DDX54: variants seen among roughly 807,000 people sequenced by gnomAD.
The protein encoded by DDX54 is ATP-dependent RNA helicase DDX54.
A neutral mutation model predicts 105.5 loss-of-function variants in DDX54; 67 were observed. That is an observed-to-expected ratio of 0.64 (90% CI 0.52 to 0.78). The LOEUF is 0.78. Ranked by LOEUF, DDX54 falls within the 30% of genes least tolerant of loss-of-function variation. DDX54 has a pLI of 0.00. For synonymous variants in DDX54, 514 were observed against 509.9 expected, an observed-to-expected ratio of 1.01 and a Z score of -0.11; for missense variants, 1,206 against 1,230.5, an observed-to-expected ratio of 0.98 and a Z score of 0.30.
intron 11 of DDX54, among the ~76,000 whole-genome samples, chr12:113,171,226 A>G (rs192530553): frequency 6.6e-6 from 1 of 152,340 alleles, no homozygotes; most frequent in Admixed American, 6.5e-5. Flanking sequence ...AGGCAAAGAA[A>G]GTAGAATAAC....
chr12:113,168,539 C>A lies in DDX54; in HGVS notation c.1414+1231G>T, dbSNP rs376309268. Reference sequence around the variant, plus strand: ...GTCCAGGGCCCGGGAACCAGCAGGACTGCAGGTGGAGGCCCATAGTTGGAG... The same window carrying A: ...GTCCAGGGCCCGGGAACCAGCAGGAATGCAGGTGGAGGCCCATAGTTGGAG... On this transcript the variant is annotated intron_variant, in intron 12 of 19. Coordinates refer to ENST00000306014, the MANE Select transcript of DDX54 (RefSeq NM_024072.4). Among the ~76,000 whole-genome samples the A allele has an allele frequency of 3.2e-4, 48 of 152,368 alleles. No individual in the cohort carries two copies. The South Asian group carries it at 9.7e-3, about 31-fold the overall frequency.
Position 113,185,223 on chromosome 12 carries a change from G to A in DDX54, c.174+55C>T, listed in dbSNP as rs553642879. 174 of 1,431,796 alleles carry A rather than the reference G, an allele frequency of 1.2e-4. No homozygotes were observed. In the African/African-American group the frequency reaches 2.3e-3, roughly 19 times the overall value. 88.7% of individuals were successfully genotyped at this position (1,431,796 alleles called of 1,614,324 possible). On this transcript the variant is annotated intron_variant, in intron 1 of 19. Coordinates refer to ENST00000306014, the MANE Select transcript of DDX54 (RefSeq NM_024072.4). ...GCTGGGGAAACTGAGGCCTCGAGGC[G>A]CTGCCCGGAGCCGGGTCTCGGGCCC...
At position 113,163,221 on chromosome 12, in the gene DDX54, C is replaced by T. The variant is rs1470180159; in HGVS notation, c.1992G>A (p.Arg664=). 3 of 1,611,702 alleles carry T rather than the reference C, an allele frequency of 1.9e-6. No individual in the cohort carries two copies. Among genetic ancestry groups the T allele is most frequent in the Non-Finnish European group, 1.7e-6 (2 of 1,179,988 alleles). The part of the protein sequence containing the change: ...GRKRQRSGPN[R]GAKRRREEAR... ...CCTCCTCCCTCCGCCTCTTGGCTCC[C>T]CTGTTGGGTCCTGACCGCTGCCGCT... is the stretch of plus-strand genomic sequence containing the variant. Residue 664 remains arginine, a synonymous_variant, in exon 16 of 20, where the codon AGG becomes AGA. Coordinates refer to ENST00000306014, the MANE Select transcript of DDX54 (RefSeq NM_024072.4). This position sits in a 1 kb window ranked among gnomAD's most constrained non-coding sequence, Gnocchi z 5.9.
chr12:113,171,612 A>AT (rs1952340623), intron 11 of DDX54, among the ~76,000 whole-genome samples: 1 of 152,106 alleles, frequency 6.6e-6, no homozygotes, highest in Admixed American at 6.6e-5. Context: ...AAAAAAAAAA[A>AT]AAAGTTTTGG....
Position 113,160,605 on chromosome 12 carries a change from C to G in DDX54, c.2413+665G>C, listed in dbSNP as rs911106979. Among the ~76,000 whole-genome samples the G allele has an allele frequency of 2.0e-5, 3 of 152,138 alleles. No individual in the cohort carries two copies. The South Asian group carries it at 6.2e-4, about 32-fold the overall frequency. On this transcript the variant is annotated intron_variant, in intron 19 of 19. Transcript: ENST00000306014. ...CCTTAGCTTGTTACTGGCTGAGGGACCCAGGCCAGATCAAAGAGGTCCAAG... is the reference window on the plus strand; with the variant it reads ...CCTTAGCTTGTTACTGGCTGAGGGAGCCAGGCCAGATCAAAGAGGTCCAAG...
rs568469323 is a variant in DDX54 at position 113,163,605 on chromosome 12, G to A, written c.1939-331C>T. ...GACAGCCGGCCCTGCCCCTCTCTGC[G>A]CCTGGCCTGCTCTGAACAACATGGA... On this transcript the variant is annotated intron_variant, in intron 15 of 19. Coordinates refer to ENST00000306014, the MANE Select transcript of DDX54 (RefSeq NM_024072.4). This position sits in a 1 kb window ranked among gnomAD's most constrained non-coding sequence, Gnocchi z 5.9. Among the ~76,000 whole-genome samples the A allele has an allele frequency of 2.6e-5, 4 of 152,228 alleles. No homozygotes were observed. Among genetic ancestry groups the A allele is most frequent in the Non-Finnish European group, 4.4e-5 (3 of 68,008 alleles).
chr12:113,171,472 C>T (rs1404053292), intron 11 of DDX54, among the ~76,000 whole-genome samples: 4 of 151,778 alleles, frequency 2.6e-5, no homozygotes, highest in African/African-American at 2.4e-5. Context: ...GGCCTGGTGG[C>T]GAGCACCTGT....
intron 19 of DDX54, 168 bp from the exon 20 acceptor site, chr12:113,159,277 T>TGG: frequency 1.4e-6 from 1 of 725,094 alleles, no homozygotes; most frequent in Non-Finnish European, 2.2e-6. Context: ...GGCAGCCTCA[T>TGG]GGAGTGGTCA....
At chr12:113,182,249 A>G (rs1952476364) in intron 1 of DDX54, among the ~76,000 whole-genome samples, 1 of 152,240 alleles carries the variant, frequency 6.6e-6, no homozygotes, top group Non-Finnish European at 1.5e-5. Context: ...CCCTGGCTTC[A>G]GAGACTGTGT....
intron 5 of DDX54, among the ~76,000 whole-genome samples, chr12:113,178,245 CAAACAAA>C (rs1300752133): frequency 6.6e-6 from 1 of 152,066 alleles, no homozygotes; most frequent in African/African-American, 2.4e-5. Context: ...TCAAAATAAA[CAAACAAA>C]AAACAAAAAC....
rs1381795883 is a variant in DDX54, at chr12:113,162,934, C to T, written c.2193G>A (p.Lys731=). The change falls in exon 17 of 20, where the codon AAG becomes AAA. Residue 731 remains lysine (K), a splice_region_variant and synonymous_variant. Coordinates refer to ENST00000306014, the MANE Select transcript of DDX54 (RefSeq NM_024072.4). ...QNLTRGRQQL[K]WDRKKKRFVG... is the part of the protein sequence containing the mutation. ...GGGCGGCTCACTCGATCACTCACCA[C>T]TTGAGCTGCTGCCGGCCCCTCGTCA... The T allele has an allele frequency of 3.8e-6, 6 of 1,594,342 alleles. No individual in the cohort carries two copies. Among genetic ancestry groups the T allele is most frequent in the Admixed American group, 1.7e-5 (1 of 58,704 alleles).
intron 3 of DDX54, 106 bp downstream of exon 3, chr12:113,179,829 G>T: frequency 7.6e-7 from 1 of 1,318,474 alleles, no homozygotes; most frequent in Non-Finnish European, 1.1e-6. Context: ...GAGTAAAGGG[G>T]GCAGGAGATG....
At chr12:113,169,961 G>C (rs568327263) in intron 11 of DDX54, 57 bp from the exon 12 acceptor site, 1 of 1,599,650 alleles carries the variant, frequency 6.3e-7, no homozygotes, top group South Asian at 1.1e-5. Context: ...GACCCAGCAT[G>C]AGTTCCACAG....
In DDX54 at chr12:113,179,124, T is replaced by C. The variant is rs771686737; in HGVS notation, c.564+19A>G. 6.2e-7 allele frequency: 1 copy of C among 1,613,564 alleles called. No individual in the cohort carries two copies. The highest frequency in any genetic ancestry group is 8.5e-7 in the Non-Finnish European group (1 of 1,179,696). On this transcript the variant is annotated intron_variant, in intron 4 of 19. Coordinates refer to ENST00000306014, the MANE Select transcript of DDX54 (RefSeq NM_024072.4). ...CAAGTCAGCCCTTGCCTCCAGCCTC[T>C]AGCCAAGCTCAGACACACCTCCTTA...
Position 113,185,442 on chromosome 12 carries a change from C to CGGCCGCCATTCG in DDX54, c.-3_9dup (p.Ala3_Asp4insArgMetAlaAla). 1.3e-6 allele frequency: 2 copies of CGGCCGCCATTCG among 1,507,324 alleles called. No homozygotes were observed. The highest frequency in any genetic ancestry group is 1.8e-6 in the Non-Finnish European group (2 of 1,131,490). 93.4% of individuals were successfully genotyped at this position (1,507,324 alleles called of 1,614,324 possible). A position where few individuals can be genotyped will look rare whatever the true frequency, so the allele number is the denominator to read the frequency against. Reference sequence around the variant, plus strand: ...CGAGGTCCAGCCGCCGGGCCCTTGTCGGCCGCCATTCGGGCCGCGCGCTGG... The same window carrying CGGCCGCCATTCG: ...CGAGGTCCAGCCGCCGGGCCCTTGTCGGCCGCCATTCGGGCCGCCATTCGGGCCGCGCGCTGG... On this transcript the variant is annotated inframe_insertion, in exon 1 of 20. Coordinates refer to ENST00000306014, the MANE Select transcript of DDX54 (RefSeq NM_024072.4).
rs759559835 is a variant in DDX54 at position 113,179,213 on chromosome 12, G to A, written c.494C>T (p.Thr165Ile). ...FERLKTHSAQ[T>I]GARALILSPT... is the part of the protein sequence containing the mutation. The stretch of plus-strand genomic sequence containing the variant: ...CGAGAGGATGAGGGCGCGGGCCCCG[G>A]TCTGGGCACTGTGGGTCTTGAGCCG... Residue 165 changes from threonine to isoleucine, a missense_variant, in exon 4 of 20, where the codon ACC (threonine) becomes ATC (isoleucine). Thr to Ile is a moderately conservative substitution (Grantham distance 89, BLOSUM62 -1). Coordinates refer to ENST00000306014, the MANE Select transcript of DDX54 (RefSeq NM_024072.4). 8 of 1,614,180 alleles carry A rather than the reference G, an allele frequency of 5.0e-6. No homozygotes were observed. Among genetic ancestry groups the A allele is most frequent in the Non-Finnish European group, 6.8e-6 (8 of 1,180,024 alleles).
chr12:113,169,108 G>C (rs997108033), intron 12 of DDX54, among the ~76,000 whole-genome samples: 2 of 152,030 alleles, frequency 1.3e-5, no homozygotes, highest in Non-Finnish European at 2.9e-5. Context: ...AGGGGACCAG[G>C]AAGCCTGTCT....
At chr12:113,162,543 T>C (rs908781292) in intron 17 of DDX54, among the ~76,000 whole-genome samples, 1 of 152,112 alleles carries the variant, frequency 6.6e-6, no homozygotes, top group African/African-American at 2.4e-5. Context: ...GAGTGAGGAC[T>C]TCAGGGAGCT....
Position 113,163,317 on chromosome 12 carries a change from C to T in DDX54, c.1939-43G>A, listed in dbSNP as rs777241031. 1.3e-6 allele frequency: 2 copies of T among 1,575,558 alleles called. No homozygotes were observed. The highest frequency in any genetic ancestry group is 1.7e-6 in the Non-Finnish European group (2 of 1,161,048). On this transcript the variant is annotated intron_variant, in intron 15 of 19. Transcript: ENST00000306014. The surrounding 1 kb of genome is among the most constrained non-coding windows in gnomAD (Gnocchi z 5.9). Reference sequence around the variant, plus strand: ...AAGGCCCAGTGTCATGCCTGCTGCCCCCTGGGGACTTCCCCCTGCCTCCCT... The same window carrying T: ...AAGGCCCAGTGTCATGCCTGCTGCCTCCTGGGGACTTCCCCCTGCCTCCCT...
Sources: gnomAD v4.1 joint callset for allele counts (sites outside exome capture counted in the v4.1 genomes callset) on GRCh38, gnomAD v4.1.1 for gene constraint, Gnocchi (gnomAD v3.1) non-coding constraint, MANE v1.5 for transcripts, NCBI Gene and HGNC (gene_info 2026-07-23, HGNC 2026-07-21) for gene names.